PHACTR2: variants seen among roughly 807,000 people sequenced by gnomAD.
PHACTR2 encodes the protein phosphatase and actin regulator 2.
PHACTR2 carries 30 observed loss-of-function variants against 76.0 expected under a neutral mutation model. That is an observed-to-expected ratio of 0.39 (90% CI 0.30 to 0.54). The LOEUF (loss-of-function observed/expected upper bound fraction) is 0.54, where lower values mean the gene tolerates loss of function less well. PHACTR2 is among the 20% of genes least tolerant of loss of function. The pLI is 0.61. For missense variants in PHACTR2, 696 were observed against 781.1 expected, an observed-to-expected ratio of 0.89 and a Z score of 1.30; for synonymous variants, 292 against 292.5, an observed-to-expected ratio of 1.00 and a Z score of 0.02.
At position 143,733,616 on chromosome 6, in the gene PHACTR2, A is replaced by G. The variant is rs1369358470; in HGVS notation, c.215-15369A>G. ...CAGCCTCAAGAAACCCTGAAAAGCCATAACAGACTAAATGAATATTTTACC... is the reference window on the plus strand; with the variant it reads ...CAGCCTCAAGAAACCCTGAAAAGCCGTAACAGACTAAATGAATATTTTACC... On this transcript the variant is annotated intron_variant, in intron 2 of 12. Transcript: ENST00000440869. The surrounding 1 kb of genome is among the most constrained non-coding windows in gnomAD (Gnocchi z 4.0). Among the ~76,000 whole-genome samples the G allele has an allele frequency of 1.3e-5, 2 of 152,198 alleles. No homozygotes were observed. The highest frequency in any genetic ancestry group is 4.8e-5 in the African/African-American group (2 of 41,452).
rs1223505494 is a variant in PHACTR2 at position 143,731,579 on chromosome 6, G to A, written c.215-17406G>A. ...TGGGATTACAGGCATGAGCTACGGC[G>A]CCCAGCCAGCCCCACTGTGTTGTGG... On this transcript the variant is annotated intron_variant, in intron 2 of 12. Coordinates refer to ENST00000440869, the MANE Select transcript of PHACTR2 (RefSeq NM_001100164.2). This position sits in a 1 kb window ranked among gnomAD's most constrained non-coding sequence, Gnocchi z 4.9. Among the ~76,000 whole-genome samples the A allele has an allele frequency of 2.0e-5, 3 of 151,986 alleles. No individual in the cohort carries two copies. Among genetic ancestry groups the A allele is most frequent in the Non-Finnish European group, 4.4e-5 (3 of 67,992 alleles).
At position 143,764,861 on chromosome 6, in the gene PHACTR2, G is replaced by A. The variant is rs1446867659; in HGVS notation, c.695-400G>A. On this transcript the variant is annotated intron_variant, in intron 5 of 12. Transcript: ENST00000440869. This position sits in a 1 kb window ranked among gnomAD's most constrained non-coding sequence, Gnocchi z 4.7. ...ATAGAACATGTATAATTTATGATGA[G>A]CCTAATTGTGTGCTACACCCAGCTA... Among the ~76,000 whole-genome samples the A allele has an allele frequency of 2.6e-5, 4 of 152,178 alleles. No individual in the cohort carries two copies. In the South Asian group the frequency reaches 8.3e-4, roughly 32 times the overall value.
intron 11 of PHACTR2, among the ~76,000 whole-genome samples, chr6:143,799,982 G>T (rs1263763949): frequency 2.6e-5 from 4 of 152,174 alleles, no homozygotes; most frequent in Admixed American, 2.6e-4. Flanking sequence ...ACAGTGGGGT[G>T]TTAAAGTCTC....
intron 2 of PHACTR2, among the ~76,000 whole-genome samples, chr6:143,744,356 T>G (rs532153446): frequency 3.0e-4 from 46 of 150,820 alleles, no homozygotes; most frequent in Middle Eastern, 6.8e-3. Context: ...AATACACATA[T>G]TTTTTCAAAG....
At chr6:143,773,231 G>A (rs1775195008) in intron 7 of PHACTR2, among the ~76,000 whole-genome samples, 1 of 151,698 alleles carries the variant, frequency 6.6e-6, no homozygotes, top group Non-Finnish European at 1.5e-5. Flanking sequence ...ATAATAAAAA[G>A]AATGCTAAAT....
intron 11 of PHACTR2, among the ~76,000 whole-genome samples, chr6:143,796,128 T>C (rs896445592): frequency 6.6e-6 from 1 of 152,198 alleles, no homozygotes; most frequent in Non-Finnish European, 1.5e-5. Flanking sequence ...AAACAGGTCC[T>C]AAGAAAGCCT....
Position 143,741,023 on chromosome 6 carries a change from G to A in PHACTR2, c.215-7962G>A, listed in dbSNP as rs572549904. Among the ~76,000 whole-genome samples the A allele has an allele frequency of 6.8e-4, 104 of 152,306 alleles. 1 individual carries two copies. The highest frequency in any genetic ancestry group is 2.3e-3 in the African/African-American group (97 of 41,576). On this transcript the variant is annotated intron_variant, in intron 2 of 12. Transcript: ENST00000440869. Reference sequence around the variant, plus strand: ...CAGCACTTTGGAGGCTGAGGCAGGCGGATCACTTGAGGTCAGGAGTTCGAG... The same window carrying A: ...CAGCACTTTGGAGGCTGAGGCAGGCAGATCACTTGAGGTCAGGAGTTCGAG...
chr6:143,771,144 GTATATA>G (rs1185999309), intron 6 of PHACTR2, among the ~76,000 whole-genome samples: 1 of 30,816 alleles, frequency 3.2e-5, no homozygotes, highest in Admixed American at 5.6e-4. Flanking sequence ...ATATATATAT[GTATATA>G]TATATATGTA....
At position 143,708,223 on chromosome 6, in the gene PHACTR2, G is replaced by A. The variant is rs903531165; in HGVS notation, c.47-3793G>A. Among the ~76,000 whole-genome samples, 1 of 152,174 alleles carries A rather than the reference G, an allele frequency of 6.6e-6. No individual in the cohort carries two copies. Among genetic ancestry groups the A allele is most frequent in the African/African-American group, 2.4e-5 (1 of 41,438 alleles). ...TCTGTTTAAATAAAAAATAAAACCT[G>A]TGTATATTTTCTGATTTCTTAGCAA... On this transcript the variant is annotated intron_variant, in intron 1 of 12. Transcript: ENST00000440869. The surrounding 1 kb of genome is among the most constrained non-coding windows in gnomAD (Gnocchi z 5.5).
At chr6:143,814,115 G>T (rs1776245995) in intron 12 of PHACTR2, among the ~76,000 whole-genome samples, 1 of 152,190 alleles carries the variant, frequency 6.6e-6, no homozygotes, top group South Asian at 2.1e-4. Context: ...CAGTACTTTG[G>T]GGGGCCGTGG....
chr6:143,726,349 A>G (rs1359451884), intron 2 of PHACTR2, among the ~76,000 whole-genome samples: 1 of 152,166 alleles, frequency 6.6e-6, no homozygotes, highest in East Asian at 1.9e-4. Flanking sequence ...GTAGTGTTCA[A>G]TATATTTACA....
Position 143,608,242 on chromosome 6 carries a change from TCGTTAGTCAGAAGAGC to T in PHACTR2, c.-66_-51del. ...ATAATCAGCAGAAGGACAGGGTGCT[TCGTTAGTCAGAAGAGC>T]CAGGGCTTCCCGGCTGCCAGGCTAC... On this transcript the variant is annotated 5_prime_UTR_variant, in exon 1 of 12. Transcript: ENST00000305766. The surrounding 1 kb of genome is among the most constrained non-coding windows in gnomAD (Gnocchi z 4.6). 1 of 1,565,842 alleles carries T rather than the reference TCGTTAGTCAGAAGAGC, an allele frequency of 6.4e-7. No homozygotes were observed. Among genetic ancestry groups the T allele is most frequent in the Non-Finnish European group, 8.8e-7 (1 of 1,137,084 alleles).
rs6907636 is a variant in PHACTR2, at chr6:143,761,733, G to A, written c.694+1093G>A. ...CGCGCCACTGCACTCCAGCCTGGGC[G>A]ACAGAATGAGACTCCATCTCAAAAA... On this transcript the variant is annotated intron_variant, in intron 5 of 12. Coordinates refer to ENST00000440869, the MANE Select transcript of PHACTR2 (RefSeq NM_001100164.2). The surrounding 1 kb of genome is among the most constrained non-coding windows in gnomAD (Gnocchi z 5.2). Among the ~76,000 whole-genome samples the A allele has an allele frequency of 0.15, 22,952 of 151,540 alleles. 2,193 individuals are homozygous for A. The highest frequency in any genetic ancestry group is 0.35 in the East Asian group (1,804 of 5,148).
rs1014458630 is a variant in PHACTR2, at chr6:143,549,233, C to A, written c.217+12026C>A. ...AAGATTAATAGTGGGCCTCACATGG[C>A]AGATCAGGCCTAGGTCTCTTCCCAA... is the stretch of plus-strand genomic sequence containing the variant. On this transcript the variant is annotated intron_variant, in intron 1 of 11. Transcript: ENST00000367584. This position sits in a 1 kb window ranked among gnomAD's most constrained non-coding sequence, Gnocchi z 4.2. Among the ~76,000 whole-genome samples the A allele has an allele frequency of 1.3e-5, 2 of 152,026 alleles. No individual in the cohort carries two copies. Among genetic ancestry groups the A allele is most frequent in the South Asian group, 4.2e-4 (2 of 4,818 alleles).
At chr6:143,734,104 A>G (rs923855451) in intron 2 of PHACTR2, among the ~76,000 whole-genome samples, 1 of 152,076 alleles carries the variant, frequency 6.6e-6, no homozygotes, top group African/African-American at 2.4e-5. Context: ...TGGAGCATTT[A>G]TTATTCATTA....
Position 143,626,536 on chromosome 6 carries a change from C to CAAAAAAAAAAAAAAAAAAAAAAAAA in PHACTR2, c.13+18229_13+18230insAAAAAAAAAAAAAAAAAAAAAAAAA, listed in dbSNP as rs35107482. ...TGGGCAGCAGAGCGAGACTCCGTCTCAAAAAAAAAAAAAAATTAGCACAAA... is the reference window on the plus strand; with the variant it reads ...TGGGCAGCAGAGCGAGACTCCGTCTCAAAAAAAAAAAAAAAAAAAAAAAAAAAAAAAAAAAAAAAATTAGCACAAA... On this transcript the variant is annotated intron_variant, in intron 1 of 11. Coordinates refer to the PHACTR2 transcript ENST00000305766. Among the ~76,000 whole-genome samples, 113 of 122,200 alleles carry CAAAAAAAAAAAAAAAAAAAAAAAAA rather than the reference C, an allele frequency of 9.2e-4. 1 individual carries two copies. Among genetic ancestry groups the CAAAAAAAAAAAAAAAAAAAAAAAAA allele is most frequent in the African/African-American group, 2.8e-3 (85 of 30,420 alleles). The allele number at this position is 122,200 out of a possible 152,430, so 80.2% of individuals were successfully genotyped here.
At chr6:143,573,221 C>G (rs1347178425) in intron 1 of PHACTR2, among the ~76,000 whole-genome samples, 1 of 152,210 alleles carries the variant, frequency 6.6e-6, no homozygotes, top group Non-Finnish European at 1.5e-5. Context: ...CTCTAACCCA[C>G]ATTATCAACC....
intron 6 of PHACTR2, among the ~76,000 whole-genome samples, chr6:143,769,703 T>C (rs1219576271): frequency 6.6e-6 from 1 of 152,170 alleles, no homozygotes; most frequent in African/African-American, 2.4e-5. Context: ...TGATAATTAA[T>C]TAGTGAACAA....
In PHACTR2 at chr6:143,648,775, T is replaced by G. The variant is rs1021552956; in HGVS notation, c.13+40453T>G. 6.6e-6 allele frequency among the ~76,000 whole-genome samples: 1 copy of G among 152,120 alleles called. No homozygotes were observed. The highest frequency in any genetic ancestry group is 6.6e-5 in the Admixed American group (1 of 15,266). ...ACGTGTGTGTGTCTCTGTGTGTGTGTGGGCATGTGTCTCTGTGTGTGTCTG... is the reference window on the plus strand; with the variant it reads ...ACGTGTGTGTGTCTCTGTGTGTGTGGGGGCATGTGTCTCTGTGTGTGTCTG... On this transcript the variant is annotated intron_variant, in intron 1 of 11. Coordinates refer to the PHACTR2 transcript ENST00000305766. This position sits in a 1 kb window ranked among gnomAD's most constrained non-coding sequence, Gnocchi z 6.7.
Sources: allele counts gnomAD v4.1 joint callset (sites outside exome capture counted in the v4.1 genomes callset), GRCh38; gene constraint gnomAD v4.1.1; non-coding constraint Gnocchi (gnomAD v3.1); transcripts MANE v1.5; gene names NCBI Gene and HGNC (gene_info 2026-07-23, HGNC 2026-07-21).